The following SDK1 variants were observed in gnomAD, a reference collection of about 807,000 sequenced individuals.
SDK1 encodes protein sidekick-1.
In SDK1, 157 loss-of-function variants were observed where a neutral mutation model predicts 245.5. That is an observed-to-expected ratio of 0.64 (90% CI 0.56 to 0.73). The LOEUF is 0.73. Among genes scored for constraint, SDK1 ranks in the 30% least tolerant of loss-of-function variants. The probability of loss-of-function intolerance (pLI) is 0.00; values close to 1 mark genes in which losing one functional copy is unlikely to be tolerated. For synonymous variants in SDK1, 1,647 were observed against 1,278.5 expected, an observed-to-expected ratio of 1.29 and a Z score of -6.15; for missense variants, 3,583 against 3,002.3, an observed-to-expected ratio of 1.19 and a Z score of -4.52.
intron 1 of SDK1, among the ~76,000 whole-genome samples, chr7:3,356,676 T>G (rs2128559504): frequency 6.6e-6 from 1 of 152,308 alleles, no homozygotes; most frequent in Admixed American, 6.5e-5. Flanking sequence ...CTTTTTCAAT[T>G]TTTGCAAACC....
chr7:4,230,793 G>A (rs978048279), intron 40 of SDK1, among the ~76,000 whole-genome samples: 4 of 152,152 alleles, frequency 2.6e-5, no homozygotes, highest in Admixed American at 2.0e-4. Context: ...ATTGGTGGAA[G>A]CAGTCATCCC....
At chr7:3,941,859 G>T (rs1370127228) in intron 5 of SDK1, among the ~76,000 whole-genome samples, 1 of 151,194 alleles carries the variant, frequency 6.6e-6, no homozygotes, top group Non-Finnish European at 1.5e-5. Flanking sequence ...TAGCAATCGT[G>T]ATCTGCTGGT....
intron 1 of SDK1, among the ~76,000 whole-genome samples, chr7:3,366,095 C>A (rs760104409): frequency 6.7e-6 from 1 of 149,962 alleles, no homozygotes; most frequent in East Asian, 1.9e-4. Flanking sequence ...TTTACCGATT[C>A]GATGTTAATA....
Position 3,449,296 on chromosome 7 carries a change from C to G in SDK1, c.298+147412C>G, listed in dbSNP as rs76433215. ...TCCTTTATGCCCTGCACAGAGCGAT[C>G]AGATCCATACACATCTTACTTTCAT... is the stretch of plus-strand genomic sequence containing the variant. On this transcript the variant is annotated intron_variant, in intron 1 of 44. Coordinates refer to ENST00000404826, the MANE Select transcript of SDK1 (RefSeq NM_152744.4). Among the ~76,000 whole-genome samples, 334 of 151,508 alleles carry G rather than the reference C, an allele frequency of 2.2e-3. 2 individuals carry two copies. Among genetic ancestry groups the G allele is most frequent in the African/African-American group, 7.7e-3 (318 of 41,514 alleles).
intron 1 of SDK1, among the ~76,000 whole-genome samples, chr7:3,447,721 T>TC (rs1491509736): frequency 2.0e-5 from 2 of 102,320 alleles, no homozygotes; most frequent in African/African-American, 7.5e-5. Context: ...TTTTTTTTTT[T>TC]GAGATAGAGT....
At chr7:3,885,688 G>A (rs569724054) in intron 5 of SDK1, among the ~76,000 whole-genome samples, 1 of 152,256 alleles carries the variant, frequency 6.6e-6, no homozygotes, top group East Asian at 1.9e-4. Flanking sequence ...AAATAGGTTA[G>A]ATGTTGCTTA....
At chr7:3,533,784 C>T (rs1057387214) in intron 1 of SDK1, among the ~76,000 whole-genome samples, 7 of 151,924 alleles carry the variant, frequency 4.6e-5, no homozygotes, top group African/African-American at 7.3e-5. Context: ...GCTTCCCCCG[C>T]CCCCCATTCC....
intron 14 of SDK1, among the ~76,000 whole-genome samples, chr7:4,010,504 C>T (rs1013913551): frequency 6.6e-6 from 1 of 152,200 alleles, no homozygotes; most frequent in African/African-American, 2.4e-5. Context: ...GCGAAATACA[C>T]AGCCCATCTG....
intron 30 of SDK1, among the ~76,000 whole-genome samples, chr7:4,157,028 A>C (rs566244485): frequency 6.6e-6 from 1 of 152,296 alleles, no homozygotes; most frequent in South Asian, 2.1e-4. Context: ...CCCGCCAGGG[A>C]GGAGAACAGA....
At chr7:3,452,798 C>G (rs1404041394) in intron 1 of SDK1, among the ~76,000 whole-genome samples, 4 of 152,184 alleles carry the variant, frequency 2.6e-5, no homozygotes, top group East Asian at 1.9e-4. Flanking sequence ...AGAAGTCTTG[C>G]AGGGTGTTGT....
intron 1 of SDK1, among the ~76,000 whole-genome samples, chr7:3,564,644 T>A (rs1039322172): frequency 6.6e-6 from 1 of 152,110 alleles, no homozygotes; most frequent in South Asian, 2.1e-4. Flanking sequence ...GAAAAAAATA[T>A]AAAATGTAAA....
chr7:3,696,859 G>C (rs1415484038), intron 4 of SDK1, among the ~76,000 whole-genome samples: 3 of 151,624 alleles, frequency 2.0e-5, no homozygotes, highest in African/African-American at 7.3e-5. Context: ...AATACTGTAG[G>C]GTGTCTAACA....
intron 5 of SDK1, among the ~76,000 whole-genome samples, chr7:3,919,563 T>C (rs1358657953): frequency 6.6e-6 from 1 of 152,116 alleles, no homozygotes; most frequent in Non-Finnish European, 1.5e-5. Flanking sequence ...ATAGACAATA[T>C]CCATAATGTC....
At chr7:3,730,403 G>T (rs2115039977) in intron 4 of SDK1, among the ~76,000 whole-genome samples, 1 of 152,304 alleles carries the variant, frequency 6.6e-6, no homozygotes, top group Non-Finnish European at 1.5e-5. Context: ...ACTTTGCCAA[G>T]ATTCTGAATC....
intron 1 of SDK1, among the ~76,000 whole-genome samples, chr7:3,583,652 C>T (rs1780588749): frequency 6.6e-6 from 1 of 152,052 alleles, no homozygotes; most frequent in Non-Finnish European, 1.5e-5. Context: ...TGTGCTTCTA[C>T]ACTTTGGAGA....
intron 1 of SDK1, among the ~76,000 whole-genome samples, chr7:3,531,184 T>G (rs1252046367): frequency 6.6e-6 from 1 of 152,204 alleles, no homozygotes; most frequent in Non-Finnish European, 1.5e-5. Context: ...GGGTTTGCAG[T>G]TGATCTTCAG....
At chr7:4,235,269 A>G (rs1042988875) in intron 41 of SDK1, among the ~76,000 whole-genome samples, 1 of 151,970 alleles carries the variant, frequency 6.6e-6, no homozygotes, top group Non-Finnish European at 1.5e-5. Flanking sequence ...GGTTCAAGGG[A>G]TTCTCCTGCC....
At chr7:3,887,380 C>G (rs192801377) in intron 5 of SDK1, among the ~76,000 whole-genome samples, 2 of 152,144 alleles carry the variant, frequency 1.3e-5, no homozygotes, top group African/African-American at 4.8e-5. Context: ...CCTTGTGCCT[C>G]GAACAGGCAG....
chr7:3,561,839 G>A (rs1283032311), intron 1 of SDK1, among the ~76,000 whole-genome samples: 1 of 152,088 alleles, frequency 6.6e-6, no homozygotes, highest in Non-Finnish European at 1.5e-5. Flanking sequence ...TTATAAGACT[G>A]GCCTTGCATT....
Sources: allele counts gnomAD v4.1 joint callset (sites outside exome capture counted in the v4.1 genomes callset), GRCh38; gene constraint gnomAD v4.1.1; transcripts MANE v1.5; gene names NCBI Gene and HGNC (gene_info 2026-07-23, HGNC 2026-07-21).